XXYLT1: variants seen among roughly 807,000 people sequenced by gnomAD.
The protein encoded by XXYLT1 is xyloside xylosyltransferase 1, also known as UDP-xylose:alpha-xyloside alpha-1,3-xylosyltransferase.
Under a neutral mutation model 28.9 loss-of-function variants are expected in XXYLT1, and 20 were observed. The observed-to-expected ratio is 0.69, with a 90% CI of 0.49 to 1.00. The LOEUF is 1.00. Ranked by LOEUF, XXYLT1 falls within the 50% of genes least tolerant of loss-of-function variation. The probability of loss-of-function intolerance (pLI) is 0.00; values close to 1 mark genes in which losing one functional copy is unlikely to be tolerated. For missense variants in XXYLT1, 542 were observed against 560.1 expected (o/e 0.97, Z 0.33); for synonymous variants, 257 against 253.8 (o/e 1.01, Z -0.12).
chr3:195,267,659 A>G (rs1725886035), intron 1 of XXYLT1, among the ~76,000 whole-genome samples: 1 of 152,240 alleles, frequency 6.6e-6, no homozygotes. Flanking sequence ...AGGAAGACAA[A>G]TAATTACTCC....
intron 2 of XXYLT1, among the ~76,000 whole-genome samples, chr3:195,167,083 C>G (rs13433940): frequency 6.6e-6 from 1 of 152,272 alleles, no homozygotes; most frequent in Non-Finnish European, 1.5e-5. Context: ...GGAAGCCATA[C>G]TGCGTTCTCG....
At chr3:195,207,700 A>G (rs1016926493) in intron 2 of XXYLT1, among the ~76,000 whole-genome samples, 1 of 152,092 alleles carries the variant, frequency 6.6e-6, no homozygotes, top group Non-Finnish European at 1.5e-5. Context: ...TATCTTACAG[A>G]TAAATAAATA....
intron 3 of XXYLT1, among the ~76,000 whole-genome samples, chr3:195,084,467 A>T (rs1247061147): frequency 1.3e-5 from 2 of 152,288 alleles, no homozygotes; most frequent in African/African-American, 2.4e-5. Context: ...CAGCTAGGAC[A>T]TAAAGTCCAC....
chr3:195,195,576 A>G lies in XXYLT1; in HGVS notation c.652+31133T>C. On this transcript the variant is annotated intron_variant, in intron 2 of 3. Transcript: ENST00000310380. The surrounding 1 kb of genome is among the most constrained non-coding windows in gnomAD (Gnocchi z 4.4). ...TGGAACCATCTAGATCCCTGGGGAG[A>G]GGCTACCCGTGGTTTGTTGTAAATG... is the stretch of plus-strand genomic sequence containing the variant. Among the ~76,000 whole-genome samples the G allele has an allele frequency of 6.6e-6, 1 of 152,132 alleles. No individual in the cohort carries two copies. The highest frequency in any genetic ancestry group is 1.9e-4 in the East Asian group (1 of 5,194).
At chr3:195,072,004 ATCTT>A (rs113280201) in intron 3 of XXYLT1, among the ~76,000 whole-genome samples, 6,047 of 152,204 alleles carry the variant, frequency 0.04, 303 homozygotes, top group African/African-American at 0.12. Flanking sequence ...CCACGTGTCC[ATCTT>A]TCTTTACTGT....
chr3:195,264,525 C>T (rs918185723), intron 1 of XXYLT1, among the ~76,000 whole-genome samples: 1 of 152,240 alleles, frequency 6.6e-6, no homozygotes, highest in Non-Finnish European at 1.5e-5. Flanking sequence ...CAACCACACA[C>T]TTGCTATCTC....
intron 3 of XXYLT1, among the ~76,000 whole-genome samples, chr3:195,128,566 G>C (rs1202052276): frequency 6.6e-6 from 1 of 152,092 alleles, no homozygotes; most frequent in Non-Finnish European, 1.5e-5. Context: ...CACACCCCGG[G>C]CTCCTGGACT....
At chr3:195,155,312 G>C (rs551111817) in intron 3 of XXYLT1, among the ~76,000 whole-genome samples, 4 of 152,332 alleles carry the variant, frequency 2.6e-5, no homozygotes, top group African/African-American at 9.6e-5. Flanking sequence ...CCTCCAGGAA[G>C]GTCGGCAGGG....
chr3:195,117,242 A>T (rs1718095316), intron 3 of XXYLT1, among the ~76,000 whole-genome samples: 1 of 152,130 alleles, frequency 6.6e-6, no homozygotes, highest in Non-Finnish European at 1.5e-5. Flanking sequence ...CATATGTACA[A>T]ATGAGAATGT....
chr3:195,241,204 G>A (rs574963085), intron 1 of XXYLT1, among the ~76,000 whole-genome samples: 6 of 152,332 alleles, frequency 3.9e-5, no homozygotes, highest in Admixed American at 2.0e-4. Context: ...AAGGGCAGGT[G>A]CCCTGTGATG....
chr3:195,134,877 G>A (rs1012221880), intron 3 of XXYLT1, among the ~76,000 whole-genome samples: 8 of 134,542 alleles, frequency 5.9e-5, no homozygotes, highest in Non-Finnish European at 9.5e-5. Context: ...GTGCGTGTGC[G>A]CGCGTGCGCG....
In XXYLT1 at chr3:195,097,375, C is replaced by T. The variant is rs1716508008; in HGVS notation, c.786-27264G>A. Among the ~76,000 whole-genome samples, 4 of 152,238 alleles carry T rather than the reference C, an allele frequency of 2.6e-5. No homozygotes were observed. The South Asian group carries it at 8.3e-4, about 32-fold the overall frequency. Reference sequence around the variant, plus strand: ...ACGCGGGTTACAGCAATGGCAAATGCGTATCAACACGTATCTAGCACCACG... The same window carrying T: ...ACGCGGGTTACAGCAATGGCAAATGTGTATCAACACGTATCTAGCACCACG... On this transcript the variant is annotated intron_variant, in intron 3 of 3. Transcript: ENST00000310380.
intron 2 of XXYLT1, among the ~76,000 whole-genome samples, chr3:195,181,312 A>G (rs1560138907): frequency 2.0e-5 from 3 of 151,614 alleles, no homozygotes; most frequent in Admixed American, 6.6e-5. Context: ...GCTGCGGAGC[A>G]TGTTTTGCCA....
At chr3:195,236,825 T>C (rs1361629641) in intron 1 of XXYLT1, among the ~76,000 whole-genome samples, 1 of 151,420 alleles carries the variant, frequency 6.6e-6, no homozygotes, top group Non-Finnish European at 1.5e-5. Flanking sequence ...ATTCCTGCCA[T>C]TACTGGGTCC....
At chr3:195,104,169 T>TGTGACGGTG (rs1171127154) in intron 3 of XXYLT1, among the ~76,000 whole-genome samples, 2 of 151,164 alleles carry the variant, frequency 1.3e-5, no homozygotes, top group African/African-American at 4.9e-5. Context: ...ACACACCCAC[T>TGTGACGGTG]GTGACGGTGA....
intron 3 of XXYLT1, among the ~76,000 whole-genome samples, chr3:195,103,347 C>T (rs1021287658): frequency 1.4e-5 from 2 of 141,120 alleles, no homozygotes; most frequent in Non-Finnish European, 3.2e-5. Context: ...CAGCGACCTG[C>T]GTCCATCACC....
At chr3:195,220,054 A>G (rs1393968713) in intron 2 of XXYLT1, among the ~76,000 whole-genome samples, 4 of 152,134 alleles carry the variant, frequency 2.6e-5, no homozygotes, top group Non-Finnish European at 5.9e-5. Context: ...GCTAAATGTT[A>G]TGGAGATTTC....
At chr3:195,206,213 T>C (rs1179566070) in intron 2 of XXYLT1, among the ~76,000 whole-genome samples, 1 of 151,494 alleles carries the variant, frequency 6.6e-6, no homozygotes. Context: ...GGCTTCACTG[T>C]GTTAGCCAGG....
intron 2 of XXYLT1, among the ~76,000 whole-genome samples, chr3:195,166,086 C>T (rs1721105424): frequency 6.6e-6 from 1 of 151,932 alleles, no homozygotes; most frequent in Non-Finnish European, 1.5e-5. Flanking sequence ...AATCCAGGCT[C>T]CAATTTTCAT....
Sources: allele counts gnomAD v4.1 joint callset (sites outside exome capture counted in the v4.1 genomes callset), GRCh38; gene constraint gnomAD v4.1.1; non-coding constraint Gnocchi (gnomAD v3.1); transcripts MANE v1.5; gene names NCBI Gene and HGNC (gene_info 2026-07-23, HGNC 2026-07-21).